The following CTNND2 variants were observed in gnomAD, a reference collection of about 807,000 sequenced individuals.
CTNND2 encodes catenin delta-2.
A neutral mutation model predicts 144.4 loss-of-function variants in CTNND2; 22 were observed. The observed-to-expected ratio is 0.15, with a 90% CI of 0.11 to 0.22. The LOEUF (loss-of-function observed/expected upper bound fraction) is 0.22. CTNND2 is among the 10% of genes least tolerant of loss of function. The pLI is 1.00. For synonymous variants in CTNND2, 751 were observed against 695.6 expected (o/e 1.08, Z -1.25); for missense variants, 1,353 against 1,618.8 (o/e 0.84, Z 2.82).
At chr5:11,533,580 C>T (rs1289523124) in intron 3 of CTNND2, among the ~76,000 whole-genome samples, 1 of 152,236 alleles carries the variant, frequency 6.6e-6, no homozygotes, top group African/African-American at 2.4e-5. Context: ...CAGCACAACT[C>T]TTCCTTTCCA....
At chr5:11,791,169 G>A (rs1172451410) in intron 1 of CTNND2, among the ~76,000 whole-genome samples, 2 of 152,184 alleles carry the variant, frequency 1.3e-5, no homozygotes, top group Non-Finnish European at 2.9e-5. Flanking sequence ...GAGGGAACAT[G>A]GCTGTGCCAA....
intron 6 of CTNND2, among the ~76,000 whole-genome samples, chr5:11,390,700 G>A (rs1017202615): frequency 1.1e-4 from 16 of 152,194 alleles, no homozygotes; most frequent in African/African-American, 4.8e-5. Flanking sequence ...CTGGGCAGCC[G>A]GGCCAACAGT....
At chr5:11,797,949 A>G (rs1791483488) in intron 1 of CTNND2, among the ~76,000 whole-genome samples, 1 of 152,158 alleles carries the variant, frequency 6.6e-6, no homozygotes, top group African/African-American at 2.4e-5. Flanking sequence ...AAGTTAACAG[A>G]GAAAGTGTCT....
At chr5:11,133,205 T>A (rs1235252549) in intron 12 of CTNND2, among the ~76,000 whole-genome samples, 1 of 152,082 alleles carries the variant, frequency 6.6e-6, no homozygotes, top group Non-Finnish European at 1.5e-5. Flanking sequence ...CAGAAAACAG[T>A]AAAACTTAAG....
intron 11 of CTNND2, among the ~76,000 whole-genome samples, chr5:11,166,026 A>G (rs1398721467): frequency 2.0e-5 from 3 of 152,122 alleles, no homozygotes; most frequent in Non-Finnish European, 4.4e-5. Flanking sequence ...GAATCCTCTC[A>G]TGTGGGTGAG....
At chr5:11,118,414 T>G (rs1375854357) in intron 12 of CTNND2, among the ~76,000 whole-genome samples, 1 of 152,172 alleles carries the variant, frequency 6.6e-6, no homozygotes, top group Non-Finnish European at 1.5e-5. Flanking sequence ...ACAAAGGGAT[T>G]GAAAGAATTT....
At chr5:11,292,509 C>A (rs549403610) in intron 9 of CTNND2, among the ~76,000 whole-genome samples, 1 of 152,236 alleles carries the variant, frequency 6.6e-6, no homozygotes, top group East Asian at 1.9e-4. Context: ...GGGGTGGTTT[C>A]TCCCGTGCTG....
At position 11,140,367 on chromosome 5, in the gene CTNND2, A is replaced by T. The variant is rs112001927; in HGVS notation, c.2159+19209T>A. Among the ~76,000 whole-genome samples the T allele has an allele frequency of 6.3e-3, 959 of 152,374 alleles. 7 individuals are homozygous for T. Among genetic ancestry groups the T allele is most frequent in the Non-Finnish European group, 0.011 (723 of 68,026 alleles). On this transcript the variant is annotated intron_variant, in intron 12 of 21. Transcript: ENST00000304623. ...ATAATTTTATCTCAAAAGGAAAAACAGGTAAAAACATTATCTGGTCAATTT... is the reference window on the plus strand; with the variant it reads ...ATAATTTTATCTCAAAAGGAAAAACTGGTAAAAACATTATCTGGTCAATTT...
intron 2 of CTNND2, among the ~76,000 whole-genome samples, chr5:11,569,900 C>T (rs1016152540): frequency 6.6e-6 from 1 of 152,128 alleles, no homozygotes; most frequent in Admixed American, 6.5e-5. Context: ...AATCTGCCTG[C>T]ACCATGATCT....
chr5:10,983,604 T>A (rs1027567374), intron 20 of CTNND2, among the ~76,000 whole-genome samples: 1 of 152,200 alleles, frequency 6.6e-6, no homozygotes, highest in African/African-American at 2.4e-5. Context: ...CCTCTCTGGT[T>A]GAATGCATGT....
chr5:11,632,275 G>C (rs1339170706), intron 2 of CTNND2, among the ~76,000 whole-genome samples: 2 of 152,062 alleles, frequency 1.3e-5, no homozygotes, highest in Admixed American at 1.3e-4. Flanking sequence ...ATTCATAGGG[G>C]GATGAAAAAT....
chr5:11,572,023 T>A (rs1231684654), intron 2 of CTNND2, among the ~76,000 whole-genome samples: 1 of 152,150 alleles, frequency 6.6e-6, no homozygotes, highest in African/African-American at 2.4e-5. Context: ...CTTTTAAAAG[T>A]CTTACTGCCA....
intron 2 of CTNND2, among the ~76,000 whole-genome samples, chr5:11,608,427 T>G (rs1435716391): frequency 6.6e-6 from 1 of 152,126 alleles, no homozygotes; most frequent in Non-Finnish European, 1.5e-5. Context: ...CTCCCATTAT[T>G]CCCATTCCAC....
chr5:11,132,425 G>T (rs1440877873), intron 12 of CTNND2, among the ~76,000 whole-genome samples: 1 of 152,138 alleles, frequency 6.6e-6, no homozygotes, highest in African/African-American at 2.4e-5. Flanking sequence ...AGGTCATAAG[G>T]ATGAGAACCT....
intron 1 of CTNND2, among the ~76,000 whole-genome samples, chr5:11,862,368 G>T (rs964843323): frequency 2.0e-5 from 3 of 152,102 alleles, no homozygotes; most frequent in Non-Finnish European, 4.4e-5. Context: ...GTCAAATTTT[G>T]GGACGGTTCC....
In CTNND2 at chr5:11,353,179, G is replaced by A. The variant is rs181713185; in HGVS notation, c.1373-6552C>T. ...CCCATTGTGCCAACTACCATATTAG[G>A]GGCTTCTTCACATGATCTCATTTAA... On this transcript the variant is annotated intron_variant, in intron 8 of 21. Coordinates refer to ENST00000304623, the MANE Select transcript of CTNND2 (RefSeq NM_001332.4). Among the ~76,000 whole-genome samples the A allele has an allele frequency of 2.6e-4, 39 of 151,808 alleles. No homozygotes were observed. In the East Asian group the frequency reaches 7.4e-3, roughly 29 times the overall value.
chr5:11,094,107 A>G (rs1751059188), intron 15 of CTNND2, among the ~76,000 whole-genome samples: 1 of 152,230 alleles, frequency 6.6e-6, no homozygotes, highest in African/African-American at 2.4e-5. Context: ...ACTCCCAAAT[A>G]TTACTTATCA....
In CTNND2 at chr5:11,903,717, C is replaced by G. The variant is rs1582097145; in HGVS notation, c.37+100G>C. 3.2e-6 allele frequency: 4 copies of G among 1,233,120 alleles called. No individual in the cohort carries two copies. The highest frequency in any genetic ancestry group is 1.7e-5 in the South Asian group (1 of 57,988). The allele number at this position is 1,233,120 out of a possible 1,614,324, so 76.4% of individuals were successfully genotyped here. On this transcript the variant is annotated intron_variant, in intron 1 of 21. Transcript: ENST00000304623. The surrounding 1 kb of genome is among the most constrained non-coding windows in gnomAD (Gnocchi z 5.4). The stretch of plus-strand genomic sequence containing the variant: ...CGCAGCAGCCGCCGCCGCCGCCTGC[C>G]GGCCGGGAGCCCAGGACCACCCCCA...
At chr5:11,565,251 T>C (rs1341980331) in intron 2 of CTNND2, among the ~76,000 whole-genome samples, 195 bp from the exon 3 acceptor site, 1 of 152,254 alleles carries the variant, frequency 6.6e-6, no homozygotes, top group Non-Finnish European at 1.5e-5. Flanking sequence ...AATAAGTTAA[T>C]TCATGTAAGT....
Sources: allele counts gnomAD v4.1 joint callset (sites outside exome capture counted in the v4.1 genomes callset), GRCh38; gene constraint gnomAD v4.1.1; non-coding constraint Gnocchi (gnomAD v3.1); transcripts MANE v1.5; gene names NCBI Gene and HGNC (gene_info 2026-07-23, HGNC 2026-07-21).